The following PTGES2 variants were observed in gnomAD, a reference collection of about 807,000 sequenced individuals.
PTGES2 encodes the protein prostaglandin E synthase 2.
A neutral mutation model predicts 44.5 loss-of-function variants in PTGES2; 35 were observed. That is an observed-to-expected ratio of 0.79 (90% confidence interval 0.60 to 1.04). PTGES2 has a LOEUF of 1.04. Ranked by LOEUF, PTGES2 falls within the 50% of genes least tolerant of loss-of-function variation. PTGES2 has a pLI of 0.00. For synonymous variants in PTGES2, 221 were observed against 227.5 expected, an observed-to-expected ratio of 0.97 and a Z score of 0.26; for missense variants, 517 against 521.4, an observed-to-expected ratio of 0.99 and a Z score of 0.08.
Position 128,124,494 on chromosome 9 carries a change from C to T in PTGES2, c.534G>A (p.Ser178=), listed in dbSNP as rs376198891. 1.4e-5 allele frequency: 22 copies of T among 1,613,442 alleles called. No homozygotes were observed. Among genetic ancestry groups the T allele is most frequent in the African/African-American group, 4.0e-5 (3 of 74,904 alleles). Residue 178 remains serine (S), a splice_region_variant and synonymous_variant, in exon 3 of 7, where the codon TCG becomes TCA. Transcript: ENST00000338961. ...CTGGTCTCCGAGGGGCTCCTTACCC[C>T]GACACCAGGTAGGTCTTGAGGGCGC... is the stretch of plus-strand genomic sequence containing the variant. ...IISALKTYLV[S]GQPLEEIITY...
chr9:128,123,002 C>T lies in PTGES2; in HGVS notation c.819G>A (p.Val273=), dbSNP rs556135229. ...YIVREGKFGA[V]EGAVAKYMGA... ...CCATGTACTTGGCCACGGCACCCTC[C>T]ACGGCTCCGAACTTGCCCTCGCGGA... The change falls in exon 5 of 7, where the codon GTG becomes GTA. Residue 273 remains valine (V), a synonymous_variant. Transcript: ENST00000338961. The surrounding 1 kb of genome is among the most constrained non-coding windows in gnomAD (Gnocchi z 4.4). The T allele has an allele frequency of 1.9e-6, 3 of 1,613,956 alleles. No homozygotes were observed. The highest frequency in any genetic ancestry group is 1.3e-5 in the African/African-American group (1 of 74,928).
At position 128,125,305 on chromosome 9, in the gene PTGES2, T is replaced by G. The variant is rs1348895564; in HGVS notation, c.416A>C (p.Glu139Ala). Reference sequence around the variant, plus strand: ...CTTTCTGTAGGAGGAGAACTTGATCTCAGCCCTGCGCACAGGGTTCACCTC... The same window carrying G: ...CTTTCTGTAGGAGGAGAACTTGATCGCAGCCCTGCGCACAGGGTTCACCTC... Reference protein sequence around the residue: ...VVEVNPVRRAEIKFSSYRKVP... With the variant: ...VVEVNPVRRAAIKFSSYRKVP... Residue 139 changes from glutamate (E) to alanine (A), a missense_variant, in exon 2 of 7, where the codon GAG (glutamate) becomes GCG (alanine). By Grantham distance (107) the Glu-to-Ala change is moderately radical. Transcript: ENST00000338961. 6.2e-7 allele frequency: 1 copy of G among 1,613,646 alleles called. No homozygotes were observed.
intron 2 of PTGES2, chr9:128,125,020 G>A (rs1295183957): frequency 4.0e-6 from 3 of 757,836 alleles, no homozygotes; most frequent in Non-Finnish European, 6.1e-6. Context: ...TTGTTAAGCT[G>A]TGGTGTTCTG....
rs549686585 is a variant in PTGES2 at position 128,126,308 on chromosome 9, G to C, written c.280-867C>G. ...CAAGTAATGAAGAGTTGCAAGGTGTGGGGTAGGTATAAAGTGTCTCAAGGC... is the reference window on the plus strand; with the variant it reads ...CAAGTAATGAAGAGTTGCAAGGTGTCGGGTAGGTATAAAGTGTCTCAAGGC... On this transcript the variant is annotated intron_variant, in intron 1 of 6. Transcript: ENST00000338961. Among the ~76,000 whole-genome samples, 23 of 152,286 alleles carry C rather than the reference G, an allele frequency of 1.5e-4. No homozygotes were observed. In the South Asian group the frequency reaches 4.4e-3, roughly 29 times the overall value.
At position 128,121,154 on chromosome 9, in the gene PTGES2, T is replaced by C. The variant is rs1834393175; in HGVS notation, c.1125A>G (p.Pro375=). ...RVERAITEAS[P]AH is the part of the protein sequence containing the mutation. Reference sequence around the variant, plus strand: ...CTCTGCGCGGGGACATTCAGTGCGCTGGGGAGGCCTCGGTGATGGCCCTCT... The same window carrying C: ...CTCTGCGCGGGGACATTCAGTGCGCCGGGGAGGCCTCGGTGATGGCCCTCT... Residue 375 remains proline (P), a synonymous_variant, in exon 7 of 7, where the codon CCA becomes CCG. Transcript: ENST00000338961. The C allele has an allele frequency of 4.4e-6, 7 of 1,587,132 alleles. No individual in the cohort carries two copies. Among genetic ancestry groups the C allele is most frequent in the African/African-American group, 1.3e-5 (1 of 74,382 alleles).
At position 128,123,670 on chromosome 9, in the gene PTGES2, C is replaced by A. The variant is rs752992578; in HGVS notation, c.686+32G>T. 2 of 1,603,310 alleles carry A rather than the reference C, an allele frequency of 1.2e-6. No individual in the cohort carries two copies. Among genetic ancestry groups the A allele is most frequent in the Non-Finnish European group, 1.7e-6 (2 of 1,173,452 alleles). On this transcript the variant is annotated intron_variant, in intron 4 of 6. Transcript: ENST00000338961. This position sits in a 1 kb window ranked among gnomAD's most constrained non-coding sequence, Gnocchi z 4.4. ...CTCTACAGAAGACCCCTGCGGTCAC[C>A]ACCTTCCCCCGCCAGCCCCAGCCCC...
chr9:128,128,293 A>C (rs904227763), upstream of PTGES2: 1 of 455,698 alleles, frequency 2.2e-6, no homozygotes. Context: ...CGCCCACGCG[A>C]AGCGGCCGGC....
In PTGES2 at chr9:128,123,089, G is replaced by A. The variant is rs778355235; in HGVS notation, c.732C>T (p.His244=). ...TGCGGTACACATTGGGGGAGATCAG[G>A]TGCACCAGCCAGTCGTCCGCCCACT... ...WRQWADDWLV[H]LISPNVYRTP... Residue 244 remains histidine (H), a synonymous_variant, in exon 5 of 7, where the codon CAC becomes CAT. Transcript: ENST00000338961. This position sits in a 1 kb window ranked among gnomAD's most constrained non-coding sequence, Gnocchi z 4.4. 2 of 1,612,174 alleles carry A rather than the reference G, an allele frequency of 1.2e-6. No individual in the cohort carries two copies. Among genetic ancestry groups the A allele is most frequent in the Admixed American group, 1.7e-5 (1 of 60,020 alleles).
At chr9:128,125,177 A>G in intron 2 of PTGES2, 67 bp downstream of exon 2, 2 of 1,434,020 alleles carry the variant, frequency 1.4e-6, no homozygotes, top group Non-Finnish European at 1.9e-6. Context: ...GAGCCAGGCC[A>G]GGCTAGGGGG....
chr9:128,128,173 T>TGCGCGGCG (rs201806614), upstream of PTGES2: 8 of 375,182 alleles, frequency 2.1e-5, no homozygotes, highest in Non-Finnish European at 3.7e-5. Context: ...CGGCACCAGG[T>TGCGCGGCG]GTTGCGGTTC....
intron 3 of PTGES2, chr9:128,124,198 C>T (rs1305190821): frequency 1.1e-5 from 4 of 363,154 alleles, no homozygotes; most frequent in South Asian, 3.7e-5. Flanking sequence ...ATTCTCCTGC[C>T]TCAGCCTCCT....
intron 1 of PTGES2, among the ~76,000 whole-genome samples, chr9:128,126,587 C>T (rs931150798): frequency 2.6e-5 from 4 of 152,042 alleles, no homozygotes; most frequent in African/African-American, 4.8e-5. Context: ...GGCTGGGCTC[C>T]GTGGCTCACA....
chr9:128,124,030 G>A (rs1448364525), intron 3 of PTGES2, among the ~76,000 whole-genome samples, 179 bp from the exon 4 acceptor site: 2 of 152,272 alleles, frequency 1.3e-5, no homozygotes, highest in East Asian at 3.9e-4. Flanking sequence ...GGAGGTGTGG[G>A]GAGGACAAAG....
Position 128,120,775 on chromosome 9 carries a change from G to A in PTGES2, c.*370C>T, listed in dbSNP as rs1375773517. 4.4e-6 allele frequency: 1 copy of A among 228,402 alleles called. No individual in the cohort carries two copies. Among genetic ancestry groups the A allele is most frequent in the Non-Finnish European group, 8.6e-6 (1 of 115,654 alleles). The allele number at this position is 228,402 out of a possible 1,614,324, so 14.1% of individuals were successfully genotyped here. On this transcript the variant is annotated 3_prime_UTR_variant, in exon 7 of 7. Transcript: ENST00000338961. The stretch of plus-strand genomic sequence containing the variant: ...CCCAGTCCCGGGAGGCTTGGGAAGA[G>A]TGGGAACCAGGGGAACCCAGGGATG...
chr9:128,124,911 A>T, intron 2 of PTGES2: 1 of 1,243,506 alleles, frequency 8.0e-7, no homozygotes, highest in Non-Finnish European at 1.0e-6. Context: ...CTCATGAAGC[A>T]AGCAAGCGCA....
rs1235138567 is a variant in PTGES2, at chr9:128,122,957, G to A, written c.864C>T (p.Leu288=). Residue 288 remains leucine (L), a synonymous_variant, in exon 5 of 7, where the codon CTC becomes CTT. Transcript: ENST00000338961. ...AKYMGAAAMY[L]ISKRLKSRHR... Reference sequence around the variant, plus strand: ...GCCTGCTCTTGAGTCGCTTGCTGATGAGGTACATGGCCGCTGCACCCATGT... The same window carrying A: ...GCCTGCTCTTGAGTCGCTTGCTGATAAGGTACATGGCCGCTGCACCCATGT... 1 of 1,614,050 alleles carries A rather than the reference G, an allele frequency of 6.2e-7. No individual in the cohort carries two copies. The highest frequency in any genetic ancestry group is 8.5e-7 in the Non-Finnish European group (1 of 1,180,022).
At chr9:128,121,877 C>T (rs1834422792) in intron 6 of PTGES2, among the ~76,000 whole-genome samples, 1 of 151,876 alleles carries the variant, frequency 6.6e-6, no homozygotes, top group Non-Finnish European at 1.5e-5. Flanking sequence ...TGCACCGCTG[C>T]ACTCCCGCCT....
At chr9:128,125,668 G>C (rs973799973) in intron 1 of PTGES2, among the ~76,000 whole-genome samples, 4 of 152,148 alleles carry the variant, frequency 2.6e-5, no homozygotes, top group Non-Finnish European at 5.9e-5. Flanking sequence ...TTTGCTGCGA[G>C]GTTGTGTAGG....
chr9:128,128,027 G>C (rs914595607), upstream of PTGES2: 1 of 393,872 alleles, frequency 2.5e-6, no homozygotes. Context: ...ACCGCCTAAA[G>C]GGCGGCGTGG....
Sources: gnomAD v4.1 joint callset for allele counts (sites outside exome capture counted in the v4.1 genomes callset) on GRCh38, gnomAD v4.1.1 for gene constraint, Gnocchi (gnomAD v3.1) non-coding constraint, MANE v1.5 for transcripts, NCBI Gene and HGNC (gene_info 2026-07-23, HGNC 2026-07-21) for gene names.